OR1J2: variants seen among roughly 807,000 people sequenced by gnomAD.
OR1J2 encodes the protein olfactory receptor 1J2.
For synonymous variants in OR1J2, 142 were observed against 99.7 expected, an observed-to-expected ratio of 1.42 and a Z score of -2.52; for missense variants, 304 against 246.1, an observed-to-expected ratio of 1.24 and a Z score of -1.57.
the OR1J2 span, among the ~76,000 whole-genome samples, chr9:122,465,561 C>T: frequency 1.1e-4 from 17 of 152,246 alleles, no homozygotes; most frequent in African/African-American, 4.1e-4. Context: ...TTTGAGCTCC[C>T]CAAACTTGTT....
the OR1J2 span, among the ~76,000 whole-genome samples, chr9:122,470,324 A>G: frequency 3.9e-5 from 6 of 152,220 alleles, no homozygotes; most frequent in African/African-American, 1.2e-4. Context: ...CCATGGCTTC[A>G]GATGGTGCAA....
the OR1J2 span, among the ~76,000 whole-genome samples, chr9:122,524,118 T>C: frequency 6.6e-6 from 1 of 152,184 alleles, no homozygotes; most frequent in East Asian, 1.9e-4. Context: ...TATGCCACAG[T>C]GGTTTCAAGC....
At chr9:122,521,104 T>C in the OR1J2 span, among the ~76,000 whole-genome samples, 23,893 of 152,250 alleles carry the variant, frequency 0.16, 2,032 homozygotes, top group South Asian at 0.22. Context: ...AATTTCTTCT[T>C]CTGTATAGGT....
At chr9:122,472,477 G>C in the OR1J2 span, among the ~76,000 whole-genome samples, 2 of 152,160 alleles carry the variant, frequency 1.3e-5, no homozygotes, top group African/African-American at 4.8e-5. Context: ...ACTTGCCGTG[G>C]CCAAAAGCCC....
chr9:122,539,593 A>AT, the OR1J2 span, among the ~76,000 whole-genome samples: 1 of 152,186 alleles, frequency 6.6e-6, no homozygotes, highest in African/African-American at 2.4e-5. Flanking sequence ...ATGTGTCTTT[A>AT]TAGCAGCATG....
chr9:122,453,954 T>C, the OR1J2 span, among the ~76,000 whole-genome samples: 1 of 152,160 alleles, frequency 6.6e-6, no homozygotes, highest in Non-Finnish European at 1.5e-5. Flanking sequence ...AGTGCTACAG[T>C]GAATCAGCAT....
chr9:122,489,375 C>G, the OR1J2 span, among the ~76,000 whole-genome samples: 1 of 152,184 alleles, frequency 6.6e-6, no homozygotes, highest in South Asian at 2.1e-4. Flanking sequence ...ATACAAAACT[C>G]ACCAGACTGT....
At chr9:122,511,871 A>G, downstream of OR1J2, 1 of 630,726 alleles carries the variant, frequency 1.6e-6, no homozygotes, top group Non-Finnish European at 2.9e-6. Context: ...GTTGAATGTA[A>G]TTGGTAAATA....
chr9:122,468,272 G>T, the OR1J2 span, among the ~76,000 whole-genome samples: 36 of 152,168 alleles, frequency 2.4e-4, no homozygotes, highest in Non-Finnish European at 4.1e-4. Context: ...ATTACATTTA[G>T]AACCAGAACA....
At chr9:122,547,773 T>C in the OR1J2 span, among the ~76,000 whole-genome samples, 2 of 152,150 alleles carry the variant, frequency 1.3e-5, no homozygotes, top group Non-Finnish European at 2.9e-5. Flanking sequence ...AGGTATCTTT[T>C]TGATATAGCA....
the OR1J2 span, among the ~76,000 whole-genome samples, chr9:122,476,132 C>G: frequency 6.6e-6 from 1 of 152,182 alleles, no homozygotes; most frequent in East Asian, 1.9e-4. Flanking sequence ...TTTATTTTGT[C>G]ACTGAACATC....
At chr9:122,539,129 T>G in the OR1J2 span, among the ~76,000 whole-genome samples, 45,705 of 152,016 alleles carry the variant, frequency 0.3, 7,400 homozygotes, top group East Asian at 0.54. Context: ...ATCTATTTTT[T>G]AATTATACTT....
At chr9:122,521,728 T>C in the OR1J2 span, among the ~76,000 whole-genome samples, 2 of 152,174 alleles carry the variant, frequency 1.3e-5, no homozygotes, top group Non-Finnish European at 2.9e-5. Flanking sequence ...TACACTCTCA[T>C]CTCTGCTATA....
At chr9:122,554,270 G>T in the OR1J2 span, 1 of 806,598 alleles carries the variant, frequency 1.2e-6, no homozygotes. Context: ...GTTATCCGTT[G>T]ACTCTGAGTT....
the OR1J2 span, chr9:122,477,585 AAG>A: frequency 1.9e-6 from 3 of 1,614,186 alleles, no homozygotes; most frequent in Middle Eastern, 1.6e-4. Flanking sequence ...TTGAAGTGAT[AAG>A]GAAACTGTCT....
At chr9:122,575,486 G>C in the OR1J2 span, among the ~76,000 whole-genome samples, 1 of 152,114 alleles carries the variant, frequency 6.6e-6, no homozygotes, top group Non-Finnish European at 1.5e-5. Context: ...TGTGGGTACA[G>C]AGTTGTTCAT....
chr9:122,488,692 G>A, the OR1J2 span, among the ~76,000 whole-genome samples: 2 of 152,094 alleles, frequency 1.3e-5, no homozygotes, highest in African/African-American at 4.8e-5. Flanking sequence ...ATTCAGGTTG[G>A]CAAAAATATA....
chr9:122,479,273 A>G, the OR1J2 span, among the ~76,000 whole-genome samples: 1 of 152,144 alleles, frequency 6.6e-6, no homozygotes, highest in Non-Finnish European at 1.5e-5. Context: ...CTGAAATCTC[A>G]TTGTTCCACT....
the OR1J2 span, among the ~76,000 whole-genome samples, chr9:122,543,464 A>G: frequency 1.3e-5 from 2 of 152,118 alleles, no homozygotes; most frequent in African/African-American, 4.8e-5. Flanking sequence ...CAGCCTCCCA[A>G]AGTGCTGAGA....
Sources: allele counts gnomAD v4.1 joint callset (sites outside exome capture counted in the v4.1 genomes callset), GRCh38; gene constraint gnomAD v4.1.1; transcripts MANE v1.5; gene names NCBI Gene and HGNC (gene_info 2026-07-23, HGNC 2026-07-21).